Variants in PITPNC1 observed in about 807,000 individuals in gnomAD.
PITPNC1 encodes the protein cytoplasmic phosphatidylinositol transfer protein 1.
Under a neutral mutation model 44.7 loss-of-function variants are expected in PITPNC1, and 18 were observed. That is an observed-to-expected ratio of 0.40 (90% confidence interval 0.28 to 0.60). The LOEUF (loss-of-function observed/expected upper bound fraction) is 0.60. Among genes scored for constraint, PITPNC1 ranks in the 20% least tolerant of loss-of-function variants. The pLI is 0.39. For synonymous variants in PITPNC1, 141 were observed against 149.6 expected (o/e 0.94, Z 0.42); for missense variants, 290 against 418.4 (o/e 0.69, Z 2.68).
intron 4 of PITPNC1, among the ~76,000 whole-genome samples, chr17:67,573,371 A>G (rs1044131578): frequency 2.6e-5 from 4 of 152,080 alleles, no homozygotes; most frequent in South Asian, 2.1e-4. Context: ...GATCTCCTGT[A>G]GGGAAGGAGT....
At chr17:67,632,526 C>A in intron 6 of PITPNC1, 1 of 325,682 alleles carries the variant, frequency 3.1e-6, no homozygotes, top group Non-Finnish European at 5.5e-6. Flanking sequence ...ATCCAACACA[C>A]TGGCCTTGCT....
chr17:67,539,601 G>T (rs1046623359), intron 2 of PITPNC1, among the ~76,000 whole-genome samples: 3 of 152,220 alleles, frequency 2.0e-5, no homozygotes, highest in Non-Finnish European at 4.4e-5. Context: ...CACTTTGGGA[G>T]GCCGAGGCGG....
intron 1 of PITPNC1, among the ~76,000 whole-genome samples, chr17:67,447,249 G>T (rs2039111673): frequency 6.6e-6 from 1 of 151,914 alleles, no homozygotes; most frequent in Non-Finnish European, 1.5e-5. Flanking sequence ...TGGAATGCAG[G>T]CCACCTAGGG....
intron 1 of PITPNC1, among the ~76,000 whole-genome samples, chr17:67,483,493 A>G (rs555787599): frequency 8.5e-5 from 13 of 152,372 alleles, no homozygotes; most frequent in Non-Finnish European, 1.9e-4. Context: ...AGAGCTGAAA[A>G]GCAATACCAT....
chr17:67,603,080 G>A (rs2041562946), intron 5 of PITPNC1, among the ~76,000 whole-genome samples: 1 of 152,060 alleles, frequency 6.6e-6, no homozygotes, highest in African/African-American at 2.4e-5. Context: ...GGGTTCATTT[G>A]ATCAATCTGA....
intron 1 of PITPNC1, among the ~76,000 whole-genome samples, chr17:67,500,297 A>T (rs1448212307): frequency 1.3e-5 from 2 of 152,220 alleles, no homozygotes; most frequent in Non-Finnish European, 2.9e-5. Flanking sequence ...TATATCCATA[A>T]ATGGGCTATT....
At chr17:67,686,953 T>C (rs1406367212) in intron 8 of PITPNC1, 6 of 663,082 alleles carry the variant, frequency 9.0e-6, no homozygotes, top group Non-Finnish European at 1.6e-5. Flanking sequence ...TAGACAAGTC[T>C]CTGCTTTTTT....
intron 7 of PITPNC1, among the ~76,000 whole-genome samples, chr17:67,674,620 TTA>T (rs2042570880): frequency 3.4e-5 from 5 of 147,060 alleles, no homozygotes; most frequent in Non-Finnish European, 7.6e-5. Context: ...TGTTCACTTT[TTA>T]GGATATGTCA....
intron 1 of PITPNC1, among the ~76,000 whole-genome samples, chr17:67,526,935 T>G (rs2040398495): frequency 1.3e-5 from 2 of 152,122 alleles, no homozygotes. Context: ...GGTAATTATT[T>G]GGAGTAGCTG....
At chr17:67,394,843 C>T (rs905400928) in intron 1 of PITPNC1, among the ~76,000 whole-genome samples, 7 of 151,614 alleles carry the variant, frequency 4.6e-5, no homozygotes, top group Non-Finnish European at 1.0e-4. Flanking sequence ...TGCAGTGAGC[C>T]GAGATTGTGC....
intron 1 of PITPNC1, among the ~76,000 whole-genome samples, chr17:67,489,051 G>A (rs2144041095): frequency 2.0e-5 from 3 of 152,302 alleles, no homozygotes; most frequent in South Asian, 2.1e-4. Context: ...GTACTGCCAT[G>A]AACACAGTTA....
At chr17:67,640,549 G>A (rs554712295) in intron 6 of PITPNC1, among the ~76,000 whole-genome samples, 17 of 151,168 alleles carry the variant, frequency 1.1e-4, no homozygotes, top group African/African-American at 4.1e-4. Flanking sequence ...GTATGGTGGC[G>A]GGCACCTGTA....
At chr17:67,595,098 A>G (rs1289346542) in intron 5 of PITPNC1, among the ~76,000 whole-genome samples, 1 of 152,218 alleles carries the variant, frequency 6.6e-6, no homozygotes, top group Non-Finnish European at 1.5e-5. Flanking sequence ...ATTCAGCATG[A>G]TATCTCCTTT....
intron 6 of PITPNC1, among the ~76,000 whole-genome samples, chr17:67,655,230 A>G (rs2042249507): frequency 6.6e-6 from 1 of 152,088 alleles, no homozygotes; most frequent in Admixed American, 6.5e-5. Flanking sequence ...ACATGGCAGA[A>G]AGGGTGAAGG....
chr17:67,606,365 A>T (rs1228821165), intron 5 of PITPNC1, among the ~76,000 whole-genome samples: 1 of 152,154 alleles, frequency 6.6e-6, no homozygotes, highest in Non-Finnish European at 1.5e-5. Flanking sequence ...AAGACAAGGG[A>T]CCCTTTTTTT....
intron 3 of PITPNC1, 190 bp from the exon 4 acceptor site, chr17:67,553,420 T>C (rs1017698764): frequency 2.5e-6 from 1 of 406,646 alleles, no homozygotes; most frequent in Non-Finnish European, 4.4e-6. Flanking sequence ...CACATAAGTA[T>C]CATGAAAGAA....
In PITPNC1 at chr17:67,522,659, C is replaced by CTTT. The variant is rs773797594; in HGVS notation, c.49-10131_49-10129dup. ...ATATCATAAAATTTACCATTTTAAT[C>CTTT]TTTTTTTTTTTTTTGGAAAATGAGG... On this transcript the variant is annotated intron_variant, in intron 1 of 8. Transcript: ENST00000581322. 2.1e-3 allele frequency among the ~76,000 whole-genome samples: 243 copies of CTTT among 117,186 alleles called. 35 individuals carry two copies. Among genetic ancestry groups the CTTT allele is most frequent in the African/African-American group, 8.4e-3 (191 of 22,814 alleles). 76.9% of individuals were successfully genotyped at this position (117,186 alleles called of 152,430 possible).
rs781598435 is a variant in PITPNC1, at chr17:67,632,177, A to C, written c.401A>C (p.Glu134Ala). 1.2e-6 allele frequency: 2 copies of C among 1,613,002 alleles called. No individual in the cohort carries two copies. Among genetic ancestry groups the C allele is most frequent in the Admixed American group, 1.7e-5 (1 of 59,972 alleles). Residue 134 changes from glutamate to alanine, a missense_variant, in exon 6 of 9, where the codon GAA (glutamate) becomes GCA (alanine). By Grantham distance (107) the Glu-to-Ala change is moderately radical. Coordinates refer to ENST00000581322, the MANE Select transcript of PITPNC1 (RefSeq NM_012417.4). The stretch of plus-strand genomic sequence containing the variant: ...AATGAAGCCAAAGACGTGGAGAGAG[A>C]AGTTTGCTTTATTGATATTGCCTGC... The part of the protein sequence containing the change: ...FDNEAKDVER[E>A]VCFIDIACDE...
At chr17:67,528,411 G>T (rs1434059471) in intron 1 of PITPNC1, among the ~76,000 whole-genome samples, 2 of 152,208 alleles carry the variant, frequency 1.3e-5, no homozygotes, top group African/African-American at 2.4e-5. Context: ...GCACTAATGG[G>T]CAATCAATAA....
Sources: allele counts gnomAD v4.1 joint callset (sites outside exome capture counted in the v4.1 genomes callset), GRCh38; gene constraint gnomAD v4.1.1; transcripts MANE v1.5; gene names NCBI Gene and HGNC (gene_info 2026-07-23, HGNC 2026-07-21).